Variants in ADGRB3 observed in about 807,000 individuals in gnomAD.
The protein encoded by ADGRB3 is adhesion G protein-coupled receptor B3.
In ADGRB3, 37 loss-of-function variants were observed where a neutral mutation model predicts 193.4. The ratio of observed to expected loss-of-function variants is 0.19; its 90% CI spans 0.15 to 0.25. ADGRB3 has a LOEUF of 0.25. Among genes scored for constraint, ADGRB3 ranks in the 10% least tolerant of loss-of-function variants. The pLI is 1.00. For synonymous variants in ADGRB3, 690 were observed against 644.2 expected, an observed-to-expected ratio of 1.07 and a Z score of -1.08; for missense variants, 1,637 against 1,852.9, an observed-to-expected ratio of 0.88 and a Z score of 2.14.
chr6:69,126,233 A>ACATG lies in ADGRB3; in HGVS notation c.2480+50198_2480+50199insGCAT, dbSNP rs1773846901. Among the ~76,000 whole-genome samples, 15 of 126,102 alleles carry ACATG rather than the reference A, an allele frequency of 1.2e-4. No individual in the cohort carries two copies. The South Asian group carries it at 3.7e-3, about 31-fold the overall frequency. The allele number at this position is 126,102 out of a possible 152,430, so 82.7% of individuals were successfully genotyped here. ...TTGATAGATAGATAAATAGATACACACATACATACATACATACATACATAC... is the reference window on the plus strand; with the variant it reads ...TTGATAGATAGATAAATAGATACACACATGCATACATACATACATACATACATAC... On this transcript the variant is annotated intron_variant, in intron 17 of 31. Transcript: ENST00000370598.
chr6:68,898,163 A>T (rs1766293306), intron 3 of ADGRB3, among the ~76,000 whole-genome samples: 1 of 151,888 alleles, frequency 6.6e-6, no homozygotes, highest in Admixed American at 6.6e-5. Flanking sequence ...TTCAGACCAA[A>T]TCCCAAGGCC....
At chr6:68,766,770 GC>G (rs1234572370) in intron 3 of ADGRB3, among the ~76,000 whole-genome samples, 2 of 151,792 alleles carry the variant, frequency 1.3e-5, no homozygotes, top group East Asian at 3.9e-4. Flanking sequence ...AAAAGCTATA[GC>G]CATGAAAAAT....
intron 17 of ADGRB3, among the ~76,000 whole-genome samples, chr6:69,150,734 G>A (rs1158800276): frequency 2.6e-5 from 4 of 152,178 alleles, no homozygotes. Flanking sequence ...CTTGAAGTCA[G>A]CATATCTCAC....
At chr6:69,173,196 T>A (rs946128723) in intron 17 of ADGRB3, among the ~76,000 whole-genome samples, 1 of 152,078 alleles carries the variant, frequency 6.6e-6, no homozygotes, top group Non-Finnish European at 1.5e-5. Context: ...TACCACCACG[T>A]CTGGCTAATT....
chr6:68,928,043 G>A (rs1436864298), intron 3 of ADGRB3, among the ~76,000 whole-genome samples: 1 of 151,074 alleles, frequency 6.6e-6, no homozygotes, highest in Non-Finnish European at 1.5e-5. Context: ...CTACGGTGTA[G>A]GATATTGAAA....
At chr6:69,109,534 A>T (rs147926981) in intron 17 of ADGRB3, among the ~76,000 whole-genome samples, 1 of 152,366 alleles carries the variant, frequency 6.6e-6, no homozygotes, top group African/African-American at 2.4e-5. Flanking sequence ...TGTCTTATTT[A>T]ACTCAAATTA....
intron 3 of ADGRB3, among the ~76,000 whole-genome samples, chr6:68,816,280 T>G (rs1035617265): frequency 1.3e-5 from 2 of 152,040 alleles, no homozygotes; most frequent in East Asian, 1.9e-4. Context: ...GGAATAAAAA[T>G]TATCATTATT....
intron 3 of ADGRB3, among the ~76,000 whole-genome samples, chr6:68,884,589 G>C (rs1356119729): frequency 6.6e-6 from 1 of 152,112 alleles, no homozygotes; most frequent in Non-Finnish European, 1.5e-5. Flanking sequence ...TCTGAGATGA[G>C]GTTGGAGACA....
chr6:68,975,396 T>C, intron 10 of ADGRB3, 56 bp downstream of exon 10: 1 of 1,343,752 alleles, frequency 7.4e-7, no homozygotes, highest in Non-Finnish European at 1.1e-6. Flanking sequence ...TAATGATCAC[T>C]GTGTGAGAAT....
intron 3 of ADGRB3, among the ~76,000 whole-genome samples, chr6:68,799,344 G>T (rs1173140719): frequency 1.3e-5 from 2 of 152,078 alleles, no homozygotes; most frequent in African/African-American, 4.8e-5. Flanking sequence ...TTTCTTCCCA[G>T]TTTCATAAAA....
Position 69,220,889 on chromosome 6 carries a change from C to T in ADGRB3, c.2481-12401C>T, listed in dbSNP as rs181869467. On this transcript the variant is annotated intron_variant, in intron 17 of 31. Coordinates refer to ENST00000370598, the MANE Select transcript of ADGRB3 (RefSeq NM_001704.3). ...AATGATGCATTCTTCCCCTTTATCA[C>T]TAAATCACTATCTACACCCCTTTAT... is the stretch of plus-strand genomic sequence containing the variant. 3.9e-5 allele frequency among the ~76,000 whole-genome samples: 6 copies of T among 151,968 alleles called. No individual in the cohort carries two copies. In the East Asian group the frequency reaches 1.2e-3, roughly 30 times the overall value.
intron 3 of ADGRB3, among the ~76,000 whole-genome samples, chr6:68,819,198 C>G (rs1207452009): frequency 6.6e-6 from 1 of 152,004 alleles, no homozygotes; most frequent in East Asian, 1.9e-4. Flanking sequence ...ATCACACTCA[C>G]ACACCCCTTT....
At chr6:68,690,147 G>T (rs1765048393) in intron 3 of ADGRB3, among the ~76,000 whole-genome samples, 1 of 152,044 alleles carries the variant, frequency 6.6e-6, no homozygotes, top group South Asian at 2.1e-4. Context: ...TTCCTTTTCT[G>T]TCTTAGGTCA....
At chr6:68,731,202 A>G (rs1157851169) in intron 3 of ADGRB3, among the ~76,000 whole-genome samples, 1 of 151,710 alleles carries the variant, frequency 6.6e-6, no homozygotes, top group South Asian at 2.1e-4. Context: ...AAATAATTCT[A>G]TATCTAATTA....
intron 3 of ADGRB3, among the ~76,000 whole-genome samples, chr6:68,777,664 G>A (rs1388722189): frequency 3.3e-5 from 4 of 122,902 alleles, no homozygotes; most frequent in Non-Finnish European, 4.9e-5. Flanking sequence ...ATCTCTCTGG[G>A]ATCTAAAAAA....
intron 4 of ADGRB3, among the ~76,000 whole-genome samples, chr6:68,931,877 A>G (rs905797509): frequency 4.6e-5 from 7 of 152,160 alleles, no homozygotes; most frequent in Non-Finnish European, 7.4e-5. Flanking sequence ...TGAGATATAT[A>G]TTGCAACCAA....
At chr6:68,995,567 A>G (rs1339216773) in intron 11 of ADGRB3, among the ~76,000 whole-genome samples, 1 of 152,184 alleles carries the variant, frequency 6.6e-6, no homozygotes, top group Non-Finnish European at 1.5e-5. Flanking sequence ...TAAATAGAGC[A>G]ATTTGGCTAA....
chr6:68,888,822 A>G, intron 3 of ADGRB3, among the ~76,000 whole-genome samples: 1 of 152,168 alleles, frequency 6.6e-6, no homozygotes, highest in East Asian at 1.9e-4. Flanking sequence ...GGCAGAGGGA[A>G]AGACAAATGG....
chr6:68,842,264 T>C (rs945101227), intron 3 of ADGRB3, among the ~76,000 whole-genome samples: 1 of 151,554 alleles, frequency 6.6e-6, no homozygotes, highest in Admixed American at 6.6e-5. Flanking sequence ...ATAAATAAAA[T>C]TGACAAACTT....
Sources: gnomAD v4.1 joint callset for allele counts (sites outside exome capture counted in the v4.1 genomes callset) on GRCh38, gnomAD v4.1.1 for gene constraint, MANE v1.5 for transcripts, NCBI Gene and HGNC (gene_info 2026-07-23, HGNC 2026-07-21) for gene names.